Variants in SLC16A10 observed in about 807,000 individuals in gnomAD.
The protein encoded by SLC16A10 is solute carrier family 16 member 10.
Under a neutral mutation model 40.0 loss-of-function variants are expected in SLC16A10, and 27 were observed. The observed-to-expected ratio is 0.67, with a 90% confidence interval of 0.50 to 0.93. The LOEUF (loss-of-function observed/expected upper bound fraction) is 0.93, where lower values mean the gene tolerates loss of function less well. Among genes scored for constraint, SLC16A10 ranks in the 40% least tolerant of loss-of-function variants. The probability of loss-of-function intolerance (pLI) is 0.00; values close to 1 mark genes in which losing one functional copy is unlikely to be tolerated. For synonymous variants in SLC16A10, 213 were observed against 249.8 expected (o/e 0.85, Z 1.39); for missense variants, 529 against 658.2 (o/e 0.80, Z 2.15).
chr6:111,125,945 G>A (rs922060649), intron 1 of SLC16A10, among the ~76,000 whole-genome samples: 1 of 152,130 alleles, frequency 6.6e-6, no homozygotes, highest in Non-Finnish European at 1.5e-5. Context: ...CTGAATTACA[G>A]TTATATACTG....
At chr6:111,221,966 C>G (rs770027255) in intron 5 of SLC16A10, 37 bp from the exon 6 acceptor site, 7 of 1,573,864 alleles carry the variant, frequency 4.4e-6, no homozygotes, top group Admixed American at 2.1e-5. Context: ...CAGAGCCACA[C>G]TTGTTCTCCC....
chr6:111,113,470 T>G (rs1192934236), intron 1 of SLC16A10, among the ~76,000 whole-genome samples: 1 of 152,176 alleles, frequency 6.6e-6, no homozygotes, highest in Non-Finnish European at 1.5e-5. Flanking sequence ...TGGGGTTTTT[T>G]TTGTTGTTGT....
chr6:111,146,214 A>G (rs1308956733), intron 1 of SLC16A10, among the ~76,000 whole-genome samples: 1 of 152,242 alleles, frequency 6.6e-6, no homozygotes, highest in East Asian at 1.9e-4. Flanking sequence ...AATGTACTCA[A>G]CCTCATTGGT....
chr6:111,203,738 A>AT (rs1773210277), intron 3 of SLC16A10, among the ~76,000 whole-genome samples: 1 of 149,540 alleles, frequency 6.7e-6, no homozygotes, highest in Admixed American at 6.7e-5. Context: ...AAATAAATAA[A>AT]TAAATAAATA....
Position 111,224,854 on chromosome 6 carries a change from G to T in SLC16A10, c.*2619G>T, listed in dbSNP as rs1770962039. The T allele has an allele frequency of 6.6e-6, 1 of 152,126 alleles. No homozygotes were observed. Among genetic ancestry groups the T allele is most frequent in the Non-Finnish European group, 1.5e-5 (1 of 68,020 alleles). 9.4% of individuals were successfully genotyped at this position (152,126 alleles called of 1,614,324 possible). A position where few individuals can be genotyped will look rare whatever the true frequency, so the allele number is the denominator to read the frequency against. On this transcript the variant is annotated 3_prime_UTR_variant, in exon 6 of 6. Transcript: ENST00000368851. The stretch of plus-strand genomic sequence containing the variant: ...GACCTGATAAGCCTAAATTTTTTGT[G>T]TTCAATCCAGACACTTTTCTGAGAG...
chr6:111,144,126 A>C (rs542939669), intron 1 of SLC16A10, among the ~76,000 whole-genome samples: 3 of 152,080 alleles, frequency 2.0e-5, no homozygotes, highest in African/African-American at 4.8e-5. Flanking sequence ...TCTAAATTTT[A>C]CTGTGAATCC....
At chr6:111,211,909 T>C (rs1773351693) in intron 4 of SLC16A10, among the ~76,000 whole-genome samples, 1 of 152,232 alleles carries the variant, frequency 6.6e-6, no homozygotes, top group Non-Finnish European at 1.5e-5. Context: ...GGAATGCTCC[T>C]GGGCTTACCT....
intron 4 of SLC16A10, 28 bp from the exon 5 acceptor site, chr6:111,218,786 G>C: frequency 6.3e-7 from 1 of 1,589,714 alleles, no homozygotes; most frequent in Non-Finnish European, 8.6e-7. Context: ...TCCTGCGAGC[G>C]GAGCTGACCT....
intron 1 of SLC16A10, among the ~76,000 whole-genome samples, chr6:111,102,699 C>A (rs1771210534): frequency 6.6e-6 from 1 of 152,062 alleles, no homozygotes; most frequent in South Asian, 2.1e-4. Context: ...TGGAAATAAA[C>A]CATGTAGAGA....
chr6:111,091,944 G>A (rs1490855696), intron 1 of SLC16A10, among the ~76,000 whole-genome samples: 1 of 152,096 alleles, frequency 6.6e-6, no homozygotes, highest in Non-Finnish European at 1.5e-5. Context: ...GATCTGTTGT[G>A]GGATACAAAT....
At chr6:111,187,891 A>G (rs1160500630) in intron 3 of SLC16A10, among the ~76,000 whole-genome samples, 1 of 152,204 alleles carries the variant, frequency 6.6e-6, no homozygotes, top group Non-Finnish European at 1.5e-5. Flanking sequence ...CAAGGCTCAC[A>G]GTAGTATCCT....
intron 3 of SLC16A10, among the ~76,000 whole-genome samples, chr6:111,189,127 A>G (rs1260744878): frequency 2.0e-5 from 3 of 152,204 alleles, no homozygotes; most frequent in East Asian, 3.8e-4. Context: ...TTTCTCATAC[A>G]CAGCTCAATA....
At chr6:111,091,704 G>A (rs984851515) in intron 1 of SLC16A10, among the ~76,000 whole-genome samples, 5 of 151,740 alleles carry the variant, frequency 3.3e-5, no homozygotes, top group Middle Eastern at 3.2e-3. Context: ...CTTCTCTTCA[G>A]GGCTCTGTTA....
At chr6:111,149,488 G>A (rs555641465) in intron 1 of SLC16A10, among the ~76,000 whole-genome samples, 25 of 152,280 alleles carry the variant, frequency 1.6e-4, no homozygotes, top group African/African-American at 5.8e-4. Flanking sequence ...TGGGTCATAT[G>A]CCCAGATTAA....
chr6:111,140,491 T>C (rs1300887975), intron 1 of SLC16A10, among the ~76,000 whole-genome samples: 4 of 151,370 alleles, frequency 2.6e-5, no homozygotes, highest in Non-Finnish European at 4.4e-5. Flanking sequence ...GAACAGAATG[T>C]TACCAGCCCA....
chr6:111,104,290 A>G (rs560236714), intron 1 of SLC16A10, among the ~76,000 whole-genome samples: 5 of 152,336 alleles, frequency 3.3e-5, no homozygotes, highest in Admixed American at 2.0e-4. Context: ...AACACCAATT[A>G]CAAAGCCCCG....
At chr6:111,145,798 A>G (rs1242036022) in intron 1 of SLC16A10, among the ~76,000 whole-genome samples, 1 of 152,184 alleles carries the variant, frequency 6.6e-6, no homozygotes, top group Non-Finnish European at 1.5e-5. Context: ...GCAGTGAGCT[A>G]TGATTGCACC....
intron 1 of SLC16A10, among the ~76,000 whole-genome samples, chr6:111,157,209 G>A (rs1481757377): frequency 2.0e-5 from 3 of 152,118 alleles, no homozygotes; most frequent in Non-Finnish European, 4.4e-5. Context: ...GTGAGCCACC[G>A]CGCCCAGACA....
intron 1 of SLC16A10, among the ~76,000 whole-genome samples, chr6:111,142,989 G>A (rs1406416013): frequency 6.6e-6 from 1 of 152,188 alleles, no homozygotes; most frequent in Non-Finnish European, 1.5e-5. Context: ...ATAGGTAAAT[G>A]AATAAATAAA....
Sources: allele counts gnomAD v4.1 joint callset (sites outside exome capture counted in the v4.1 genomes callset), GRCh38; gene constraint gnomAD v4.1.1; transcripts MANE v1.5; gene names NCBI Gene and HGNC (gene_info 2026-07-23, HGNC 2026-07-21).